Variants in SFRP1 observed in about 807,000 individuals in gnomAD.
SFRP1 encodes secreted frizzled related protein 1, also known as secreted frizzled-related protein 1.
A neutral mutation model predicts 25.9 loss-of-function variants in SFRP1; 9 were observed. That is an observed-to-expected ratio of 0.35 (90% CI 0.21 to 0.61). The LOEUF is 0.61. Ranked by LOEUF, SFRP1 falls within the 20% of genes least tolerant of loss-of-function variation. The pLI is 0.78. For missense variants in SFRP1, 346 were observed against 418.2 expected (o/e 0.83, Z 1.51); for synonymous variants, 178 against 174.0 (o/e 1.02, Z -0.18).
intron 2 of SFRP1, among the ~76,000 whole-genome samples, chr8:41,297,368 A>G (rs6995645): frequency 0.64 from 96,975 of 151,986 alleles, 31,466 homozygotes; most frequent in African/African-American, 0.76. Context: ...AAGGTCTTCC[A>G]AATGGGTTTT....
intron 2 of SFRP1, chr8:41,271,092 T>G (rs1803499561): frequency 6.5e-6 from 1 of 154,176 alleles, no homozygotes; most frequent in African/African-American, 2.4e-5. Flanking sequence ...TCTTTGCCAT[T>G]ACTTTCAACT....
At chr8:41,266,740 T>C (rs1255102616) in intron 2 of SFRP1, among the ~76,000 whole-genome samples, 2 of 152,182 alleles carry the variant, frequency 1.3e-5, no homozygotes, top group Non-Finnish European at 2.9e-5. Context: ...GGTTTCTTTT[T>C]GTTTGGTTTT....
At chr8:41,286,076 C>T (rs1021651755) in intron 2 of SFRP1, among the ~76,000 whole-genome samples, 2 of 151,950 alleles carry the variant, frequency 1.3e-5, no homozygotes. Context: ...CCGGCCCAGA[C>T]CCGATTCCTG....
chr8:41,275,006 CTTT>C (rs141607075), intron 2 of SFRP1: 5 of 287,070 alleles, frequency 1.7e-5, no homozygotes, highest in Admixed American at 1.5e-4. Context: ...TTGTTGTTTC[CTTT>C]TTTTTTCTTT....
In SFRP1 at chr8:41,309,372, G is replaced by A. The variant is rs963706808; in HGVS notation, c.-213C>T. ...GCGGCGCGGGCGGGGAGGCGGCGCTGCGGGCTGGGTGCGCCCCGGCTCCCG... is the reference window on the plus strand; with the variant it reads ...GCGGCGCGGGCGGGGAGGCGGCGCTACGGGCTGGGTGCGCCCCGGCTCCCG... On this transcript the variant is annotated 5_prime_UTR_variant, in exon 1 of 3. Transcript: ENST00000220772. 3.9e-4 allele frequency: 126 copies of A among 324,436 alleles called. 1 individual carries two copies. Among genetic ancestry groups the A allele is most frequent in the African/African-American group, 2.4e-3 (109 of 45,244 alleles). The allele number at this position is 324,436 out of a possible 1,614,324, so 20.1% of individuals were successfully genotyped here. A position where few individuals can be genotyped will look rare whatever the true frequency, so the allele number is the denominator to read the frequency against.
chr8:41,290,963 G>A (rs1300483180), intron 2 of SFRP1, among the ~76,000 whole-genome samples: 2 of 118,112 alleles, frequency 1.7e-5, no homozygotes, highest in African/African-American at 6.4e-5. Flanking sequence ...CTAGAATGCA[G>A]TGGCGCGATC....
intron 2 of SFRP1, among the ~76,000 whole-genome samples, chr8:41,298,883 C>G (rs992047133): frequency 2.0e-5 from 3 of 152,142 alleles, no homozygotes; most frequent in African/African-American, 7.2e-5. Context: ...TGAACAGCCC[C>G]CTCATCCCAC....
chr8:41,294,135 G>C (rs941764371), intron 2 of SFRP1, among the ~76,000 whole-genome samples: 4 of 152,188 alleles, frequency 2.6e-5, no homozygotes, highest in Admixed American at 2.0e-4. Flanking sequence ...CTATGAGCCT[G>C]AGAGGTGAGC....
At chr8:41,308,591 C>A in intron 1 of SFRP1, 25 bp downstream of exon 1, 1 of 1,537,380 alleles carries the variant, frequency 6.5e-7, no homozygotes, top group South Asian at 1.2e-5. Context: ...GGGCGGCTCG[C>A]GCACGTGGGA....
rs1046626680 is a variant in SFRP1, at chr8:41,262,584, T to C, written c.*2583A>G. ...ATAACTACAAATATTCTTCAAAGAT[T>C]TAACTGAGTTCTGCCAAGGACCTCC... On this transcript the variant is annotated 3_prime_UTR_variant, in exon 3 of 3. Transcript: ENST00000220772. The C allele has an allele frequency of 1.3e-5, 2 of 152,214 alleles. No homozygotes were observed. The highest frequency in any genetic ancestry group is 2.4e-5 in the African/African-American group (1 of 41,466). 9.4% of individuals were successfully genotyped at this position (152,214 alleles called of 1,614,324 possible).
intron 2 of SFRP1, among the ~76,000 whole-genome samples, chr8:41,285,555 A>C (rs1426655850): frequency 6.7e-6 from 1 of 150,242 alleles, no homozygotes; most frequent in Non-Finnish European, 1.5e-5. Context: ...TTTCCTAAAA[A>C]GAAATGCGGC....
At chr8:41,295,377 A>C (rs1350217703) in intron 2 of SFRP1, among the ~76,000 whole-genome samples, 1 of 152,002 alleles carries the variant, frequency 6.6e-6, no homozygotes, top group African/African-American at 2.4e-5. Flanking sequence ...AAAGAAAAAA[A>C]AATTAGCCGA....
chr8:41,287,755 T>G (rs913881349), intron 2 of SFRP1, among the ~76,000 whole-genome samples: 1 of 152,224 alleles, frequency 6.6e-6, no homozygotes, highest in Non-Finnish European at 1.5e-5. Context: ...ATTTGGTATA[T>G]CTATAAAATG....
intron 2 of SFRP1, among the ~76,000 whole-genome samples, chr8:41,267,565 G>A (rs1803452928): frequency 6.6e-6 from 1 of 152,208 alleles, no homozygotes. Flanking sequence ...CCTGAGGAAA[G>A]TCTTTAACCT....
In SFRP1 at chr8:41,301,298, T is replaced by C. The variant is rs114769308; in HGVS notation, c.622+2163A>G. Among the ~76,000 whole-genome samples the C allele has an allele frequency of 5.7e-3, 864 of 152,282 alleles. 1 individual carries two copies. The highest frequency in any genetic ancestry group is 0.01 in the Middle Eastern group (3 of 294). On this transcript the variant is annotated intron_variant, in intron 2 of 2. Transcript: ENST00000220772. Reference sequence around the variant, plus strand: ...CTGTGTGTCAGCTTGCATTGTTCAATTTCTTTGTTTCCTAACTGAATCCCA... The same window carrying C: ...CTGTGTGTCAGCTTGCATTGTTCAACTTCTTTGTTTCCTAACTGAATCCCA...
At chr8:41,277,010 T>C (rs778531382) in intron 2 of SFRP1, 5 of 456,198 alleles carry the variant, frequency 1.1e-5, no homozygotes, top group Non-Finnish European at 2.2e-5. Context: ...AACTGCTTGA[T>C]TTCCTGGATT....
chr8:41,301,526 A>G (rs1803916661), intron 2 of SFRP1, among the ~76,000 whole-genome samples: 1 of 152,214 alleles, frequency 6.6e-6, no homozygotes, highest in Non-Finnish European at 1.5e-5. Flanking sequence ...CAACCAGCTC[A>G]AAGAAGCCTG....
chr8:41,308,584 C>T, intron 1 of SFRP1, 32 bp downstream of exon 1: 4 of 1,507,168 alleles, frequency 2.7e-6, no homozygotes, highest in Non-Finnish European at 2.7e-6. Flanking sequence ...ATGGAGGGGG[C>T]GGCTCGCGCA....
chr8:41,308,900 A>G lies in SFRP1; in HGVS notation c.260T>C (p.Met87Thr). Residue 87 changes from methionine to threonine, a missense_variant, in exon 1 of 3, where the codon ATG becomes ACG. Met to Thr is a moderately conservative substitution (Grantham distance 81, BLOSUM62 -1). Coordinates refer to ENST00000220772, the MANE Select transcript of SFRP1 (RefSeq NM_003012.5). ...VLPNLLEHETMAEVKQQASSW... is the reference protein window; with the variant it reads ...VLPNLLEHETTAEVKQQASSW... The stretch of plus-strand genomic sequence containing the variant: ...GCTGGCCTGCTGCTTCACCTCCGCC[A>G]TGGTCTCGTGCTCCAGCAGGTTGGG... 1 of 1,612,384 alleles carries G rather than the reference A, an allele frequency of 6.2e-7. No homozygotes were observed. Among genetic ancestry groups the G allele is most frequent in the South Asian group, 1.1e-5 (1 of 90,992 alleles).
Sources: allele counts gnomAD v4.1 joint callset (sites outside exome capture counted in the v4.1 genomes callset), GRCh38; gene constraint gnomAD v4.1.1; transcripts MANE v1.5; gene names NCBI Gene and HGNC (gene_info 2026-07-23, HGNC 2026-07-21).